KLF13: variants seen among roughly 807,000 people sequenced by gnomAD.
KLF13 encodes the protein KLF transcription factor 13.
KLF13 carries 8 observed loss-of-function variants against 16.7 expected under a neutral mutation model. That is an observed-to-expected ratio of 0.48 (90% CI 0.28 to 0.87). The LOEUF is 0.87. Among genes scored for constraint, KLF13 ranks in the 40% least tolerant of loss-of-function variants. The pLI is 0.10. For missense variants in KLF13, 447 were observed against 452.2 expected (o/e 0.99, Z 0.10); for synonymous variants, 245 against 208.4 (o/e 1.18, Z -1.51).
intron 1 of KLF13, among the ~76,000 whole-genome samples, chr15:31,368,835 GATA>G (rs1298899184): frequency 3.3e-4 from 51 of 152,240 alleles, no homozygotes; most frequent in African/African-American, 1.2e-3. Context: ...TAGATAGATA[GATA>G]GATAGATAGG....
chr15:31,411,884 G>A (rs2040199904), intron 1 of KLF13, among the ~76,000 whole-genome samples: 1 of 152,082 alleles, frequency 6.6e-6, no homozygotes, highest in South Asian at 2.1e-4. Context: ...ACCAAAGCTA[G>A]CATCATATTT....
intron 1 of KLF13, among the ~76,000 whole-genome samples, chr15:31,386,504 AAAAAG>A (rs1424496652): frequency 2.0e-5 from 3 of 152,246 alleles, no homozygotes; most frequent in Admixed American, 6.5e-5. Flanking sequence ...CATCTTAAAA[AAAAAG>A]AAAAGAAAAA....
chr15:31,371,667 G>A (rs1273213285), intron 1 of KLF13, among the ~76,000 whole-genome samples: 2 of 152,252 alleles, frequency 1.3e-5, no homozygotes, highest in African/African-American at 2.4e-5. Flanking sequence ...CCACTGGCCC[G>A]GCATGGGTGT....
At chr15:31,417,362 G>A (rs1315206114) in intron 1 of KLF13, among the ~76,000 whole-genome samples, 3 of 151,752 alleles carry the variant, frequency 2.0e-5, no homozygotes, top group Admixed American at 6.6e-5. Context: ...AGGCATCATG[G>A]TGTGCGCCTG....
intron 1 of KLF13, 26 bp from the exon 2 acceptor site, chr15:31,371,984 C>T (rs2039561569): frequency 1.3e-6 from 2 of 1,577,626 alleles, no homozygotes; most frequent in Admixed American, 1.8e-5. Context: ...GGTGCGGATA[C>T]TGATGCTCTG....
At position 31,375,014 on chromosome 15, in the gene KLF13, C is replaced by G. The variant is rs560366059; in HGVS notation, c.*2715C>G. The stretch of plus-strand genomic sequence containing the variant: ...GCGTTGGCTATTTTTGGCATAAGAG[C>G]GTGTCTTCATTCCCAAAGTGGTTCT... On this transcript the variant is annotated 3_prime_UTR_variant, in exon 2 of 2. Transcript: ENST00000307145. 1 of 152,652 alleles carries G rather than the reference C, an allele frequency of 6.6e-6. No individual in the cohort carries two copies. The highest frequency in any genetic ancestry group is 2.4e-5 in the African/African-American group (1 of 41,526). The allele number at this position is 152,652 out of a possible 1,614,324, so 9.5% of individuals were successfully genotyped here.
At chr15:31,362,424 A>G (rs2039404276) in intron 1 of KLF13, among the ~76,000 whole-genome samples, 1 of 152,196 alleles carries the variant, frequency 6.6e-6, no homozygotes, top group African/African-American at 2.4e-5. Flanking sequence ...TGCCCAGCAC[A>G]TTCTGAGGAG....
chr15:31,339,454 G>T (rs943562655), intron 1 of KLF13, among the ~76,000 whole-genome samples: 5 of 152,210 alleles, frequency 3.3e-5, no homozygotes, highest in African/African-American at 1.2e-4. Flanking sequence ...CAGCTGGCAC[G>T]GGAGGCTGGG....
chr15:31,327,049 C>T lies in KLF13; in HGVS notation c.-164C>T. ...CCGGCGCCTCGCAGACGCGGAGCCG[C>T]GCGGGTGACGGCACAGGCGGCTGCG... On this transcript the variant is annotated 5_prime_UTR_variant, in exon 1 of 2. Coordinates refer to ENST00000307145, the MANE Select transcript of KLF13 (RefSeq NM_015995.4). 3.8e-6 allele frequency: 2 copies of T among 529,468 alleles called. No homozygotes were observed. Among genetic ancestry groups the T allele is most frequent in the South Asian group, 8.8e-5 (1 of 11,360 alleles). 32.8% of individuals were successfully genotyped at this position (529,468 alleles called of 1,614,324 possible).
At chr15:31,381,870 C>G (rs749571198), downstream of KLF13, among the ~76,000 whole-genome samples, 4 of 152,238 alleles carry the variant, frequency 2.6e-5, no homozygotes, top group African/African-American at 9.6e-5. Context: ...CCCCAGTTCA[C>G]CTGCTGCTGC....
Position 31,358,390 on chromosome 15 carries a change from G to A in KLF13, c.578-13620G>A, listed in dbSNP as rs543270761. Among the ~76,000 whole-genome samples the A allele has an allele frequency of 2.0e-5, 3 of 152,354 alleles. No homozygotes were observed. The East Asian group carries it at 5.8e-4, about 29-fold the overall frequency. ...TTAACATGCTTGCAGCAATGGATGA[G>A]AGCTCCAGTTGCTCCACCAGCATTT... is the stretch of plus-strand genomic sequence containing the variant. On this transcript the variant is annotated intron_variant, in intron 1 of 1. Coordinates refer to ENST00000307145, the MANE Select transcript of KLF13 (RefSeq NM_015995.4).
In KLF13 at chr15:31,410,014, A is replaced by G. The variant is rs180815614; in HGVS notation, n.117+16323A>G. ...AAATTTTCTTAATTTTAATTGCTCT[A>G]AAAGACAACGGTCTCAAGCAAACTA... On this transcript the variant is annotated intron_variant and non_coding_transcript_variant, in intron 1 of 1. Transcript: ENST00000558225. Among the ~76,000 whole-genome samples the G allele has an allele frequency of 7.2e-4, 110 of 152,320 alleles. 4 individuals carry two copies. In the East Asian group the frequency reaches 0.013, roughly 18 times the overall value.
chr15:31,332,003 A>G (rs1364464954), intron 1 of KLF13, among the ~76,000 whole-genome samples: 1 of 152,220 alleles, frequency 6.6e-6, no homozygotes, highest in Admixed American at 6.5e-5. Context: ...ATATGGCTGC[A>G]TTGTAACTTA....
At position 31,372,475 on chromosome 15, in the gene KLF13, A is replaced by C; in HGVS notation, c.*176A>C. On this transcript the variant is annotated 3_prime_UTR_variant, in exon 2 of 2. Transcript: ENST00000307145. ...ACAAAAAAAACACAAAAATTTCAAAAAACACCACCCACCAAATTGCACAAT... is the reference window on the plus strand; with the variant it reads ...ACAAAAAAAACACAAAAATTTCAAACAACACCACCCACCAAATTGCACAAT... The C allele has an allele frequency of 1.4e-6, 1 of 706,628 alleles. No homozygotes were observed. The highest frequency in any genetic ancestry group is 2.2e-6 in the Non-Finnish European group (1 of 459,210). 43.8% of individuals were successfully genotyped at this position (706,628 alleles called of 1,614,324 possible). A position where few individuals can be genotyped will look rare whatever the true frequency, so the allele number is the denominator to read the frequency against.
At chr15:31,380,695 T>C (rs1473404148), downstream of KLF13, among the ~76,000 whole-genome samples, 1 of 152,198 alleles carries the variant, frequency 6.6e-6, no homozygotes, top group African/African-American at 2.4e-5. Context: ...TTCCTGCCAT[T>C]GGCACCACTC....
rs1452739334 is a variant in KLF13, at chr15:31,376,764, G to C, written c.*4465G>C. The C allele has an allele frequency of 2.0e-5, 3 of 152,674 alleles. No individual in the cohort carries two copies. The East Asian group carries it at 5.8e-4, about 29-fold the overall frequency. The allele number at this position is 152,674 out of a possible 1,614,324, so 9.5% of individuals were successfully genotyped here. ...GAGTTGAATTCAGCAGGAGACGGGAGCCCGGTGTCCATGAGGGAAGAGGGG... is the reference window on the plus strand; with the variant it reads ...GAGTTGAATTCAGCAGGAGACGGGACCCCGGTGTCCATGAGGGAAGAGGGG... On this transcript the variant is annotated 3_prime_UTR_variant, in exon 2 of 2. Coordinates refer to ENST00000307145, the MANE Select transcript of KLF13 (RefSeq NM_015995.4).
At chr15:31,339,583 TG>T (rs1357798086) in intron 1 of KLF13, among the ~76,000 whole-genome samples, 2 of 152,192 alleles carry the variant, frequency 1.3e-5, no homozygotes, top group South Asian at 2.1e-4. Context: ...CTCTCCCCTG[TG>T]GGGGGTTCAG....
chr15:31,423,065 G>T, intron 1 of KLF13, among the ~76,000 whole-genome samples: 1 of 72,626 alleles, frequency 1.4e-5, no homozygotes. Flanking sequence ...CAATTTTCCA[G>T]TCATATAACA....
chr15:31,363,307 A>G (rs1234147181), intron 1 of KLF13, among the ~76,000 whole-genome samples: 1 of 151,936 alleles, frequency 6.6e-6, no homozygotes, highest in Admixed American at 6.6e-5. Context: ...GGCTTTGCCC[A>G]TTTTTCTGTT....
Sources: allele counts gnomAD v4.1 joint callset (sites outside exome capture counted in the v4.1 genomes callset), GRCh38; gene constraint gnomAD v4.1.1; transcripts MANE v1.5; gene names NCBI Gene and HGNC (gene_info 2026-07-23, HGNC 2026-07-21).